BACH2: variants seen among roughly 807,000 people sequenced by gnomAD.
BACH2 encodes the protein BACH transcriptional regulator 2.
Under a neutral mutation model 61.8 loss-of-function variants are expected in BACH2, and 5 were observed. The ratio of observed to expected loss-of-function variants is 0.08; its 90% CI spans 0.04 to 0.17. The LOEUF (loss-of-function observed/expected upper bound fraction) is 0.17, where lower values mean the gene tolerates loss of function less well. BACH2 is among the 10% of genes least tolerant of loss of function. The probability of loss-of-function intolerance (pLI) is 1.00; values close to 1 mark genes in which losing one functional copy is unlikely to be tolerated. For synonymous variants in BACH2, 446 were observed against 440.1 expected, an observed-to-expected ratio of 1.01 and a Z score of -0.17; for missense variants, 824 against 1,091.1, an observed-to-expected ratio of 0.76 and a Z score of 3.45.
At chr6:90,295,947 C>T (rs1035681871) in intron 1 of BACH2, among the ~76,000 whole-genome samples, 2 of 152,118 alleles carry the variant, frequency 1.3e-5, no homozygotes, top group Non-Finnish European at 1.5e-5. Flanking sequence ...GGCGCCGCGG[C>T]CAAGGTCCTC....
At chr6:90,165,717 C>T (rs901238011) in intron 4 of BACH2, among the ~76,000 whole-genome samples, 2 of 152,096 alleles carry the variant, frequency 1.3e-5, no homozygotes, top group Admixed American at 6.6e-5. Flanking sequence ...GACATATAGA[C>T]CAATGGAACA....
chr6:90,250,014 C>G (rs1770755408), intron 3 of BACH2, among the ~76,000 whole-genome samples: 1 of 152,154 alleles, frequency 6.6e-6, no homozygotes, highest in South Asian at 2.1e-4. Flanking sequence ...CCATGTTCAG[C>G]TGACATTCTT....
intron 4 of BACH2, among the ~76,000 whole-genome samples, chr6:90,136,307 A>T (rs533502023): frequency 6.6e-6 from 1 of 152,220 alleles, no homozygotes; most frequent in Non-Finnish European, 1.5e-5. Flanking sequence ...CTGCTTTGTG[A>T]ATGTAACATT....
At position 90,167,111 on chromosome 6, in the gene BACH2, T is replaced by C. The variant is rs143403771; in HGVS notation, c.-162+39458A>G. 9.8e-3 allele frequency among the ~76,000 whole-genome samples: 1,499 copies of C among 152,302 alleles called. 22 individuals carry two copies. The highest frequency in any genetic ancestry group is 0.028 in the African/African-American group (1,145 of 41,556). On this transcript the variant is annotated intron_variant, in intron 4 of 8. Transcript: ENST00000257749. Reference sequence around the variant, plus strand: ...ACCATGGAACAGGAAGGAGTCTGTTTGACCCTCACAGTATTCTGAAATTTG... The same window carrying C: ...ACCATGGAACAGGAAGGAGTCTGTTCGACCCTCACAGTATTCTGAAATTTG...
intron 4 of BACH2, among the ~76,000 whole-genome samples, chr6:90,198,756 A>G (rs1344241530): frequency 1.3e-5 from 2 of 152,222 alleles, no homozygotes; most frequent in Non-Finnish European, 2.9e-5. Context: ...AAAAAGGTTC[A>G]GATTTTCAGC....
chr6:90,028,063 T>G (rs771808348), intron 5 of BACH2, among the ~76,000 whole-genome samples: 11 of 152,210 alleles, frequency 7.2e-5, no homozygotes, highest in Non-Finnish European at 1.5e-4. Context: ...GGGATAGGTG[T>G]GCATTCTGGT....
intron 6 of BACH2, 151 bp from the exon 7 acceptor site, chr6:89,952,013 G>T: frequency 1.1e-6 from 1 of 874,072 alleles, no homozygotes; most frequent in Non-Finnish European, 1.7e-6. Flanking sequence ...GGTCAGCAAT[G>T]ATTCTGCTTC....
intron 1 of BACH2, among the ~76,000 whole-genome samples, chr6:90,291,278 GA>G (rs907581084): frequency 1.3e-5 from 2 of 151,404 alleles, no homozygotes; most frequent in African/African-American, 4.9e-5. Context: ...TATTATTTTG[GA>G]AAAAAAATAG....
chr6:90,090,181 T>C (rs539354076), intron 4 of BACH2, among the ~76,000 whole-genome samples: 1 of 152,296 alleles, frequency 6.6e-6, no homozygotes, highest in East Asian at 1.9e-4. Flanking sequence ...CAAAACATGC[T>C]TTTGAATGTT....
At chr6:90,166,921 G>GGGGAGGA (rs1767643564) in intron 4 of BACH2, among the ~76,000 whole-genome samples, 1 of 139,832 alleles carries the variant, frequency 7.2e-6, no homozygotes, top group Non-Finnish European at 1.5e-5. Context: ...TGGGGGGAGG[G>GGGGAGGA]GGGAGGAATA....
intron 7 of BACH2, among the ~76,000 whole-genome samples, chr6:89,939,656 CTTTTTTTTT>C (rs71298713): frequency 1.5e-4 from 12 of 82,628 alleles, no homozygotes; most frequent in Non-Finnish European, 2.0e-4. Flanking sequence ...GCTTATATTT[CTTTTTTTTT>C]TTTTTTTTTT....
intron 5 of BACH2, among the ~76,000 whole-genome samples, chr6:90,015,406 A>G (rs1404717844): frequency 6.6e-6 from 1 of 152,108 alleles, no homozygotes; most frequent in East Asian, 1.9e-4. Context: ...CTTTTCTAAC[A>G]CAGGCTTTAA....
At chr6:90,064,581 G>C (rs961734124) in intron 5 of BACH2, among the ~76,000 whole-genome samples, 1 of 152,224 alleles carries the variant, frequency 6.6e-6, no homozygotes, top group Admixed American at 6.5e-5. Flanking sequence ...GACCAGTTAA[G>C]AAGAGGCTGG....
At chr6:90,246,814 T>C (rs1770652482) in intron 3 of BACH2, among the ~76,000 whole-genome samples, 1 of 152,184 alleles carries the variant, frequency 6.6e-6, no homozygotes, top group Non-Finnish European at 1.5e-5. Context: ...CAGGGTACCT[T>C]GGCTAAAACA....
At chr6:90,063,834 TCA>T (rs756440678) in intron 5 of BACH2, among the ~76,000 whole-genome samples, 1 of 152,208 alleles carries the variant, frequency 6.6e-6, no homozygotes, top group Non-Finnish European at 1.5e-5. Flanking sequence ...ATTCTGTATG[TCA>T]CAGATTCCAG....
chr6:89,980,677 T>A (rs146970552), intron 6 of BACH2, among the ~76,000 whole-genome samples: 31 of 152,346 alleles, frequency 2.0e-4, no homozygotes, highest in African/African-American at 7.2e-4. Context: ...TTGGGTCTAT[T>A]AATAACCTAA....
Position 90,008,605 on chromosome 6 carries a change from C to T in BACH2, c.240G>A (p.Glu80=), listed in dbSNP as rs746464663. ...TKNDLVVSLP[E]EVTARGFGPL... ...CACACAAACCAAATTACTGTACCTC[C>T]TCAGGCAAGCTGACCACCAAATCAT... The change falls in exon 6 of 9, where the codon GAG becomes GAA. Residue 80 remains glutamate (E), a synonymous_variant. Transcript: ENST00000257749. The surrounding 1 kb of genome is among the most constrained non-coding windows in gnomAD (Gnocchi z 4.1). 8 of 1,614,014 alleles carry T rather than the reference C, an allele frequency of 5.0e-6. No homozygotes were observed. Among genetic ancestry groups the T allele is most frequent in the Non-Finnish European group, 6.8e-6 (8 of 1,180,044 alleles).
At chr6:90,288,651 T>C (rs1204094722) in intron 1 of BACH2, among the ~76,000 whole-genome samples, 1 of 152,146 alleles carries the variant, frequency 6.6e-6, no homozygotes, top group Non-Finnish European at 1.5e-5. Context: ...AGCTGAGAGT[T>C]GCAACATGCT....
intron 4 of BACH2, among the ~76,000 whole-genome samples, chr6:90,203,526 T>C (rs1210547252): frequency 2.6e-5 from 4 of 151,980 alleles, no homozygotes; most frequent in Admixed American, 2.6e-4. Flanking sequence ...CAAGTCTGCA[T>C]GAGGGTTTGG....
Sources: gnomAD v4.1 joint callset for allele counts (sites outside exome capture counted in the v4.1 genomes callset) on GRCh38, gnomAD v4.1.1 for gene constraint, Gnocchi (gnomAD v3.1) non-coding constraint, MANE v1.5 for transcripts, NCBI Gene and HGNC (gene_info 2026-07-23, HGNC 2026-07-21) for gene names.